The following DNTT variants were observed in gnomAD, a reference collection of about 807,000 sequenced individuals.
DNTT encodes the protein nucleosidetriphosphate:DNA deoxynucleotidylexotransferase.
Under a neutral mutation model 60.9 loss-of-function variants are expected in DNTT, and 47 were observed. The ratio of observed to expected loss-of-function variants is 0.77; its 90% CI spans 0.61 to 0.98. The LOEUF (loss-of-function observed/expected upper bound fraction) is 0.98. Among genes scored for constraint, DNTT ranks in the 50% least tolerant of loss-of-function variants. The pLI, the probability that DNTT is intolerant of heterozygous loss-of-function variation, is 0.00. For synonymous variants in DNTT, 224 were observed against 221.2 expected (o/e 1.01, Z -0.11); for missense variants, 665 against 627.5 (o/e 1.06, Z -0.64).
intron 2 of DNTT, 27 bp from the exon 3 acceptor site, chr10:96,319,235 A>C: frequency 6.2e-7 from 1 of 1,608,098 alleles, no homozygotes; most frequent in Non-Finnish European, 8.5e-7. Flanking sequence ...ATTTTTATTG[A>C]AAATGGATGC....
At chr10:96,304,763 C>T in intron 1 of DNTT, 63 bp downstream of exon 1, 1 of 1,535,338 alleles carries the variant, frequency 6.5e-7, no homozygotes, top group South Asian at 1.2e-5. Context: ...TTCTTGGGAA[C>T]CCAAGGAACC....
chr10:96,321,837 A>G (rs1002110710), intron 4 of DNTT, among the ~76,000 whole-genome samples: 4 of 152,184 alleles, frequency 2.6e-5, no homozygotes, highest in African/African-American at 9.7e-5. Flanking sequence ...TCTAACATAT[A>G]AATAGATACA....
intron 8 of DNTT, among the ~76,000 whole-genome samples, chr10:96,330,247 A>G (rs1304503295): frequency 1.3e-5 from 2 of 151,846 alleles, no homozygotes; most frequent in Non-Finnish European, 2.9e-5. Context: ...ACAAAACCCA[A>G]TAAAGAATGG....
intron 8 of DNTT, among the ~76,000 whole-genome samples, chr10:96,329,048 A>T (rs1424127292): frequency 2.6e-5 from 4 of 151,946 alleles, no homozygotes; most frequent in Non-Finnish European, 4.4e-5. Flanking sequence ...TATTATACTT[A>T]CCCTATTGCC....
At chr10:96,309,873 A>T (rs548967430) in intron 1 of DNTT, among the ~76,000 whole-genome samples, 1 of 152,346 alleles carries the variant, frequency 6.6e-6, no homozygotes, top group African/African-American at 2.4e-5. Context: ...CTCTTAAAGC[A>T]GTTACTTTAG....
At chr10:96,318,325 CT>C in intron 1 of DNTT, 26 bp from the exon 2 acceptor site, 1 of 1,588,126 alleles carries the variant, frequency 6.3e-7, no homozygotes, top group Non-Finnish European at 8.6e-7. Flanking sequence ...GATGTTTCAG[CT>C]GGTAACTCTG....
rs1844833383 is a variant in DNTT at position 96,319,313 on chromosome 10, C to T, written c.430C>T (p.Pro144Ser). ...STNPGPPKTP[P>S]IAVQKISQYA... ...CAACCCAGGCCCCCCGAAGACTCCA[C>T]CAATTGCTGTACAAAAGATCTCCCA... Residue 144 changes from proline (P) to serine (S), a missense_variant, in exon 3 of 11, where the codon CCA (proline) becomes TCA (serine). Coordinates refer to ENST00000371174, the MANE Select transcript of DNTT (RefSeq NM_004088.4). 1.2e-6 allele frequency: 2 copies of T among 1,613,890 alleles called. No homozygotes were observed. Among genetic ancestry groups the T allele is most frequent in the Non-Finnish European group, 1.7e-6 (2 of 1,179,824 alleles).
rs1342339636 is a variant in DNTT, at chr10:96,318,911, A to C, written c.379-351A>C. Among the ~76,000 whole-genome samples, 3 of 152,242 alleles carry C rather than the reference A, an allele frequency of 2.0e-5. No individual in the cohort carries two copies. The East Asian group carries it at 5.8e-4, about 29-fold the overall frequency. ...TTTTTTTCTCTCACTGTGATCATTC[A>C]GAAAACAAAACAAAACAAAACAAAC... On this transcript the variant is annotated intron_variant, in intron 2 of 10. Transcript: ENST00000371174.
At chr10:96,328,478 A>C (rs1221849614) in intron 7 of DNTT, among the ~76,000 whole-genome samples, 1 of 152,008 alleles carries the variant, frequency 6.6e-6, no homozygotes, top group African/African-American at 2.4e-5. Flanking sequence ...AGAATAAATA[A>C]TTTTTTTGTT....
chr10:96,321,775 T>C (rs1480107800), intron 4 of DNTT, among the ~76,000 whole-genome samples: 1 of 152,086 alleles, frequency 6.6e-6, no homozygotes, highest in Non-Finnish European at 1.5e-5. Flanking sequence ...ACATTCCTGG[T>C]TTGGAGGGGG....
At chr10:96,327,827 G>A (rs1844956815) in intron 7 of DNTT, among the ~76,000 whole-genome samples, 1 of 152,180 alleles carries the variant, frequency 6.6e-6, no homozygotes, top group South Asian at 2.1e-4. Flanking sequence ...AGAATTTTCT[G>A]CTTTGACTGC....
chr10:96,314,696 G>A (rs1315590190), intron 1 of DNTT, among the ~76,000 whole-genome samples: 1 of 151,928 alleles, frequency 6.6e-6, no homozygotes. Flanking sequence ...ACAGGCATGA[G>A]CCACCGCGCC....
At chr10:96,316,933 A>G (rs1349463825) in intron 1 of DNTT, among the ~76,000 whole-genome samples, 1 of 152,252 alleles carries the variant, frequency 6.6e-6, no homozygotes. Flanking sequence ...GGTTGTGCAT[A>G]TAATAGCAAA....
chr10:96,334,023 A>G (rs910565366), intron 9 of DNTT, among the ~76,000 whole-genome samples: 1 of 152,250 alleles, frequency 6.6e-6, no homozygotes, highest in African/African-American at 2.4e-5. Context: ...GGACATGCTA[A>G]TTAGTCTGAT....
At chr10:96,308,413 A>C (rs1396542866) in intron 1 of DNTT, among the ~76,000 whole-genome samples, 1 of 152,266 alleles carries the variant, frequency 6.6e-6, no homozygotes, top group South Asian at 2.1e-4. Flanking sequence ...TGAAAAGAAT[A>C]CTGAATTTTA....
Position 96,318,480 on chromosome 10 carries a change from T to G in DNTT, c.332T>G (p.Ile111Arg), listed in dbSNP as rs982138327. Residue 111 changes from isoleucine (I) to arginine (R), a missense_variant, in exon 2 of 11, where the codon ATA (isoleucine) becomes AGA (arginine). Coordinates refer to ENST00000371174, the MANE Select transcript of DNTT (RefSeq NM_004088.4). ...LLDVSWLIEC[I>R]RAGKPVEMTG... Reference sequence around the variant, plus strand: ...GATGTCTCCTGGCTGATCGAATGCATAAGAGCAGGGAAACCGGTGGAAATG... The same window carrying G: ...GATGTCTCCTGGCTGATCGAATGCAGAAGAGCAGGGAAACCGGTGGAAATG... 10 of 1,613,856 alleles carry G rather than the reference T, an allele frequency of 6.2e-6. No individual in the cohort carries two copies. The highest frequency in any genetic ancestry group is 1.3e-5 in the African/African-American group (1 of 75,022).
chr10:96,328,977 A>G (rs1319831751), intron 8 of DNTT, 147 bp downstream of exon 8: 1 of 776,416 alleles, frequency 1.3e-6, no homozygotes, highest in Non-Finnish European at 2.0e-6. Flanking sequence ...TATGACCTAC[A>G]ATAAGACTTT....
intron 1 of DNTT, among the ~76,000 whole-genome samples, chr10:96,311,009 AT>A (rs1334228128): frequency 3.3e-5 from 5 of 152,354 alleles, no homozygotes; most frequent in African/African-American, 1.2e-4. Flanking sequence ...AAATTTCTTA[AT>A]CCCATTTAAG....
At chr10:96,305,759 A>G (rs1407046198) in intron 1 of DNTT, among the ~76,000 whole-genome samples, 1 of 152,246 alleles carries the variant, frequency 6.6e-6, no homozygotes, top group African/African-American at 2.4e-5. Context: ...CATATTTCAA[A>G]AGTCAATTTT....
Sources: gnomAD v4.1 joint callset for allele counts (sites outside exome capture counted in the v4.1 genomes callset) on GRCh38, gnomAD v4.1.1 for gene constraint, MANE v1.5 for transcripts, NCBI Gene and HGNC (gene_info 2026-07-23, HGNC 2026-07-21) for gene names.